CHRM3: variants seen among roughly 807,000 people sequenced by gnomAD.
CHRM3 encodes muscarinic acetylcholine receptor M3.
CHRM3 carries 11 observed loss-of-function variants against 41.8 expected under a neutral mutation model. That is an observed-to-expected ratio of 0.26 (90% CI 0.17 to 0.44). The LOEUF (loss-of-function observed/expected upper bound fraction) is 0.44, where lower values mean the gene tolerates loss of function less well. Among genes scored for constraint, CHRM3 ranks in the 20% least tolerant of loss-of-function variants. The probability of loss-of-function intolerance (pLI) is 1.00; values close to 1 mark genes in which losing one functional copy is unlikely to be tolerated. For synonymous variants in CHRM3, 297 were observed against 301.4 expected (o/e 0.99, Z 0.15); for missense variants, 571 against 745.4 (o/e 0.77, Z 2.72).
At chr1:239,808,901 T>C (rs1252874946) in intron 5 of CHRM3, among the ~76,000 whole-genome samples, 2 of 152,192 alleles carry the variant, frequency 1.3e-5, no homozygotes, top group African/African-American at 4.8e-5. Context: ...TTGTAAAGTC[T>C]TGTCAAGTTC....
At chr1:239,507,558 C>T (rs1412320333) in intron 2 of CHRM3, among the ~76,000 whole-genome samples, 1 of 152,142 alleles carries the variant, frequency 6.6e-6, no homozygotes, top group Non-Finnish European at 1.5e-5. Flanking sequence ...TGGACTAATA[C>T]AATGATGATG....
intron 1 of CHRM3, among the ~76,000 whole-genome samples, chr1:239,438,988 T>C (rs1663492897): frequency 6.6e-6 from 1 of 152,302 alleles, no homozygotes; most frequent in East Asian, 1.9e-4. Context: ...TTCATGAACA[T>C]AATAATTCCC....
At chr1:239,787,988 A>C (rs944827882) in intron 5 of CHRM3, among the ~76,000 whole-genome samples, 12 of 152,254 alleles carry the variant, frequency 7.9e-5, no homozygotes, top group Admixed American at 2.0e-4. Context: ...CTGTAGTCTC[A>C]GCACTTTGGG....
chr1:239,843,447 CTTTTTTTTTTTTT>C (rs34901177), intron 6 of CHRM3, among the ~76,000 whole-genome samples: 1 of 81,220 alleles, frequency 1.2e-5, no homozygotes, highest in South Asian at 5.0e-4. Flanking sequence ...ACTCGCTTTC[CTTTTTTTTTTTTT>C]TTTTTTTTTT....
intron 4 of CHRM3, among the ~76,000 whole-genome samples, chr1:239,674,590 G>T (rs1571942278): frequency 6.6e-6 from 1 of 151,330 alleles, no homozygotes; most frequent in Non-Finnish European, 1.5e-5. Flanking sequence ...GGCGCCTGTA[G>T]TCCCAGCTAC....
intron 2 of CHRM3, among the ~76,000 whole-genome samples, chr1:239,504,244 A>G (rs185627470): frequency 1.2e-3 from 185 of 152,324 alleles, no homozygotes; most frequent in Non-Finnish European, 2.0e-3. Context: ...ATCCCATAAA[A>G]AAGGGGGCTG....
intron 3 of CHRM3, among the ~76,000 whole-genome samples, chr1:239,618,874 T>C (rs1271179373): frequency 2.7e-5 from 4 of 148,776 alleles, no homozygotes; most frequent in Non-Finnish European, 5.9e-5. Flanking sequence ...AAAGATGACA[T>C]TTAGATGTCA....
chr1:239,719,826 C>T (rs1662758129), intron 5 of CHRM3, among the ~76,000 whole-genome samples: 1 of 151,974 alleles, frequency 6.6e-6, no homozygotes, highest in African/African-American at 2.4e-5. Flanking sequence ...GCAACTATGT[C>T]CTTCAAACCA....
intron 4 of CHRM3, among the ~76,000 whole-genome samples, chr1:239,673,545 C>G (rs993423492): frequency 6.6e-6 from 1 of 152,040 alleles, no homozygotes; most frequent in African/African-American, 2.4e-5. Context: ...ATTTCTGTGT[C>G]TATATTTTCA....
At chr1:239,730,188 T>C (rs1345820296) in intron 5 of CHRM3, among the ~76,000 whole-genome samples, 2 of 152,042 alleles carry the variant, frequency 1.3e-5, no homozygotes, top group Non-Finnish European at 2.9e-5. Context: ...AAATTGTTTT[T>C]TATCCTCAAT....
At position 239,678,295 on chromosome 1, in the gene CHRM3, A is replaced by AT; in HGVS notation, c.-147+7_-147+8insT. 6.6e-6 allele frequency: 1 copy of AT among 152,208 alleles called. No homozygotes were observed. Among genetic ancestry groups the AT allele is most frequent in the Non-Finnish European group, 1.5e-5 (1 of 68,050 alleles). 9.4% of individuals were successfully genotyped at this position (152,208 alleles called of 1,614,324 possible). On this transcript the variant is annotated splice_region_variant and intron_variant, in intron 5 of 6. Transcript: ENST00000676153. ...ATGCTCCTACCTGGAACAGGTATGT[A>AT]AATCTCCAGTACATGATTACTGACA...
intron 5 of CHRM3, among the ~76,000 whole-genome samples, chr1:239,773,778 A>T (rs1410770589): frequency 6.6e-6 from 1 of 152,184 alleles, no homozygotes; most frequent in Admixed American, 6.5e-5. Context: ...ACTTGGGAGG[A>T]TGAGAATAAC....
intron 1 of CHRM3, among the ~76,000 whole-genome samples, chr1:239,423,111 A>G (rs1662085402): frequency 6.6e-6 from 1 of 152,206 alleles, no homozygotes; most frequent in African/African-American, 2.4e-5. Flanking sequence ...TCAATGAACT[A>G]CAGCATGTCA....
chr1:239,523,588 T>A (rs1669796150), intron 2 of CHRM3, among the ~76,000 whole-genome samples: 1 of 152,236 alleles, frequency 6.6e-6, no homozygotes, highest in Non-Finnish European at 1.5e-5. Context: ...AAAATTCTCA[T>A]TGGATGACCC....
intron 3 of CHRM3, among the ~76,000 whole-genome samples, chr1:239,575,681 G>A (rs1008272963): frequency 1.3e-5 from 2 of 151,956 alleles, no homozygotes; most frequent in Non-Finnish European, 2.9e-5. Flanking sequence ...TCTAGTCAGT[G>A]ACGGTCATGG....
chr1:239,773,503 GTTTCA>G (rs1667851655), intron 5 of CHRM3, among the ~76,000 whole-genome samples: 1 of 152,088 alleles, frequency 6.6e-6, no homozygotes, highest in South Asian at 2.1e-4. Flanking sequence ...ACTATGTTGG[GTTTCA>G]TTCCCATTCT....
intron 4 of CHRM3, among the ~76,000 whole-genome samples, chr1:239,641,720 A>G (rs1050338588): frequency 4.9e-5 from 7 of 142,938 alleles, no homozygotes; most frequent in South Asian, 2.3e-4. Context: ...TCTTTATCCA[A>G]TTTGCCAGTC....
chr1:239,607,515 G>C (rs1010299343), intron 3 of CHRM3, among the ~76,000 whole-genome samples: 7 of 151,666 alleles, frequency 4.6e-5, no homozygotes, highest in Admixed American at 4.6e-4. Flanking sequence ...TTAATTATAG[G>C]GTCAGTTTCT....
intron 5 of CHRM3, among the ~76,000 whole-genome samples, chr1:239,696,994 G>T (rs1035613530): frequency 2.0e-5 from 3 of 152,168 alleles, no homozygotes; most frequent in Non-Finnish European, 2.9e-5. Flanking sequence ...AGTCTTTATT[G>T]TGTTTCAGGG....
Sources: allele counts gnomAD v4.1 joint callset (sites outside exome capture counted in the v4.1 genomes callset), GRCh38; gene constraint gnomAD v4.1.1; transcripts MANE v1.5; gene names NCBI Gene and HGNC (gene_info 2026-07-23, HGNC 2026-07-21).